Variants in IFT140 observed in about 807,000 individuals in gnomAD.
IFT140 encodes the protein intraflagellar transport protein 140 homolog.
A neutral mutation model predicts 164.6 loss-of-function variants in IFT140; 133 were observed. The ratio of observed to expected loss-of-function variants is 0.81; its 90% CI spans 0.70 to 0.93. The LOEUF (loss-of-function observed/expected upper bound fraction) is 0.93, where lower values mean the gene tolerates loss of function less well. IFT140 is among the 40% of genes least tolerant of loss of function. The probability of loss-of-function intolerance (pLI) is 0.00; values close to 1 mark genes in which losing one functional copy is unlikely to be tolerated. For synonymous variants in IFT140, 860 were observed against 817.3 expected (o/e 1.05, Z -0.89); for missense variants, 2,045 against 1,972.3 (o/e 1.04, Z -0.70).
intron 7 of IFT140, 111 bp downstream of exon 7, chr16:1,589,494 G>C (rs546993939): frequency 1.8e-6 from 2 of 1,102,860 alleles, no homozygotes; most frequent in African/African-American, 3.1e-5. Flanking sequence ...TAACTCAGTT[G>C]ATAGGCTTTT....
intron 16 of IFT140, among the ~76,000 whole-genome samples, chr16:1,565,170 CATTTTGGTATGAGAA>C (rs2033642288): frequency 6.6e-6 from 1 of 152,170 alleles, no homozygotes; most frequent in African/African-American, 2.4e-5. Context: ...AATGAAAAGA[CATTTTGGTATGAGAA>C]ACGCTGCGGA....
chr16:1,529,737 C>G (rs1338190268), intron 19 of IFT140, among the ~76,000 whole-genome samples: 2 of 152,168 alleles, frequency 1.3e-5, no homozygotes, highest in Non-Finnish European at 2.9e-5. Context: ...GGTAAAAATC[C>G]ACGTGGAAGG....
intron 4 of IFT140, among the ~76,000 whole-genome samples, chr16:1,599,295 C>A (rs1371229514): frequency 4.6e-5 from 4 of 86,506 alleles, no homozygotes; most frequent in Non-Finnish European, 8.4e-5. Context: ...CATCTCCGCC[C>A]GGCAGCCACC....
At chr16:1,547,867 G>C (rs2032303541) in intron 19 of IFT140, among the ~76,000 whole-genome samples, 1 of 152,116 alleles carries the variant, frequency 6.6e-6, no homozygotes, top group African/African-American at 2.4e-5. Context: ...AGCATAGATG[G>C]GGTCTTGCCA....
intron 2 of IFT140, among the ~76,000 whole-genome samples, chr16:1,608,601 C>G (rs181180837): frequency 2.1e-5 from 3 of 143,182 alleles, no homozygotes; most frequent in East Asian, 2.1e-4. Flanking sequence ...CCACTGTACT[C>G]CAGCCTGGCA....
chr16:1,611,406 G>A (rs1178541367), intron 1 of IFT140, among the ~76,000 whole-genome samples: 3 of 150,372 alleles, frequency 2.0e-5, no homozygotes, highest in African/African-American at 7.4e-5. Context: ...GCTGAGGGAG[G>A]AGAATCGCCT....
rs559357425 is a variant in IFT140, at chr16:1,550,845, G to A, written c.2399+7090C>T. Among the ~76,000 whole-genome samples, 206 of 152,348 alleles carry A rather than the reference G, an allele frequency of 1.4e-3. 3 individuals are homozygous for A. Among genetic ancestry groups the A allele is most frequent in the African/African-American group, 6.0e-4 (25 of 41,582 alleles). ...AAGGAAAGTCAAGAGCGCCCTAGCC[G>A]TCTCTGTGGCTGACGCTGACCCTAG... On this transcript the variant is annotated intron_variant, in intron 19 of 30. Coordinates refer to ENST00000426508, the MANE Select transcript of IFT140 (RefSeq NM_014714.4).
At chr16:1,582,101 G>A (rs975198536) in intron 12 of IFT140, among the ~76,000 whole-genome samples, 1 of 152,110 alleles carries the variant, frequency 6.6e-6, no homozygotes. Flanking sequence ...AATGGGGGGA[G>A]CTGAGCTGCA....
rs564915421 is a variant in IFT140 at position 1,597,479 on chromosome 16, T to C, written c.369+4891A>G. Among the ~76,000 whole-genome samples the C allele has an allele frequency of 3.3e-5, 5 of 152,294 alleles. No homozygotes were observed. In the South Asian group the frequency reaches 1.0e-3, roughly 32 times the overall value. ...CCCAGCGGCCTCAGGTTAAGTGCAC[T>C]TCTAACTTCAGCTGGTCTGGGCTGA... On this transcript the variant is annotated intron_variant, in intron 4 of 30. Transcript: ENST00000426508.
At chr16:1,604,273 G>A (rs2035940007) in intron 3 of IFT140, 1 of 136,644 alleles carries the variant, frequency 7.3e-6, no homozygotes, top group Non-Finnish European at 1.5e-5. Flanking sequence ...CGCTGCAAGG[G>A]CGTGTGTGTG....
intron 19 of IFT140, among the ~76,000 whole-genome samples, chr16:1,540,420 G>A (rs946351460): frequency 5.9e-5 from 9 of 152,194 alleles, no homozygotes; most frequent in East Asian, 1.9e-4. Context: ...TGCCTGCCCC[G>A]TGCACGCGTG....
rs2030429517 is a variant in IFT140, at chr16:1,531,036, CA to C, written c.2400-4241del. 1 of 152,196 alleles carries C rather than the reference CA, an allele frequency of 6.6e-6. No homozygotes were observed. Among genetic ancestry groups the C allele is most frequent in the Non-Finnish European group, 1.5e-5 (1 of 68,108 alleles). The allele number at this position is 152,196 out of a possible 1,614,324, so 9.4% of individuals were successfully genotyped here. A position where few individuals can be genotyped will look rare whatever the true frequency, so the allele number is the denominator to read the frequency against. ...AGGCGCTCTCTGCAAGCTCCTTCCA[CA>C]GCCAGCCTCCTGCTCGAGGGCACCA... On this transcript the variant is annotated intron_variant, in intron 19 of 30. Transcript: ENST00000426508. The surrounding 1 kb of genome is among the most constrained non-coding windows in gnomAD (Gnocchi z 4.7).
chr16:1,602,338 C>A (rs2035835857), intron 4 of IFT140, 32 bp downstream of exon 4: 2 of 1,592,042 alleles, frequency 1.3e-6, no homozygotes, highest in Admixed American at 3.4e-5. Context: ...GGGTCAAGGT[C>A]TGAAAACAGC....
intron 7 of IFT140, among the ~76,000 whole-genome samples, chr16:1,588,526 A>AT (rs1216503294): frequency 5.1e-4 from 75 of 148,144 alleles, no homozygotes; most frequent in African/African-American, 1.8e-3. Flanking sequence ...CTCCGTCTCA[A>AT]AAATAATAAT....
intron 30 of IFT140, among the ~76,000 whole-genome samples, chr16:1,516,807 C>T (rs925286616): frequency 3.4e-5 from 5 of 147,008 alleles, no homozygotes; most frequent in African/African-American, 1.3e-4. Context: ...AAAAAGAAGG[C>T]AGGAAAAAAG....
chr16:1,534,196 C>T, intron 19 of IFT140: 1 of 1,558,960 alleles, frequency 6.4e-7, no homozygotes, highest in East Asian at 2.2e-5. Context: ...CCACCCCTAG[C>T]AGCGTCGGCT....
chr16:1,584,195 CA>C, intron 11 of IFT140, 21 bp downstream of exon 11: 1 of 1,605,772 alleles, frequency 6.2e-7, no homozygotes, highest in African/African-American at 1.3e-5. Context: ...GTGTCCCACC[CA>C]CGGGTCCCCT....
chr16:1,521,125 A>C (rs2040514498), intron 26 of IFT140, among the ~76,000 whole-genome samples: 1 of 152,174 alleles, frequency 6.6e-6, no homozygotes, highest in African/African-American at 2.4e-5. Flanking sequence ...TGAATTTTTA[A>C]AGTTAAATTT....
Position 1,526,035 on chromosome 16 carries a change from G to A in IFT140, c.2620C>T (p.Leu874Phe), listed in dbSNP as rs1264387997. 6.2e-7 allele frequency: 1 copy of A among 1,601,254 alleles called. No homozygotes were observed. The highest frequency in any genetic ancestry group is 8.5e-7 in the Non-Finnish European group (1 of 1,174,340). Residue 874 changes from leucine to phenylalanine, a missense_variant, in exon 21 of 31, where the codon CTC becomes TTC. Leu to Phe is a conservative substitution (Grantham distance 22). Transcript: ENST00000426508. Reference protein sequence around the residue: ...QLYRKCKRHDLLNKFYQAAGR... With the variant: ...QLYRKCKRHDFLNKFYQAAGR... ...GCAGCCTGGTAGAACTTGTTCAGGA[G>A]GTCGTGGCGCTTGCACTTCCTGTAC...
Sources: gnomAD v4.1 joint callset for allele counts (sites outside exome capture counted in the v4.1 genomes callset) on GRCh38, gnomAD v4.1.1 for gene constraint, Gnocchi (gnomAD v3.1) non-coding constraint, MANE v1.5 for transcripts, NCBI Gene and HGNC (gene_info 2026-07-23, HGNC 2026-07-21) for gene names.